Variants in SV2B observed in about 807,000 individuals in gnomAD.
SV2B encodes the protein synaptic vesicle glycoprotein 2B.
A neutral mutation model predicts 73.9 loss-of-function variants in SV2B; 41 were observed. That is an observed-to-expected ratio of 0.56 (90% CI 0.43 to 0.72). The LOEUF is 0.72. Ranked by LOEUF, SV2B falls within the 30% of genes least tolerant of loss-of-function variation. SV2B has a pLI of 0.00. For missense variants in SV2B, 764 were observed against 857.8 expected, an observed-to-expected ratio of 0.89 and a Z score of 1.37; for synonymous variants, 314 against 314.2, an observed-to-expected ratio of 1.00 and a Z score of 0.01.
chr15:91,263,259 C>T (rs1266651791), intron 6 of SV2B, among the ~76,000 whole-genome samples: 9 of 120,456 alleles, frequency 7.5e-5, no homozygotes, highest in African/African-American at 3.2e-4. Flanking sequence ...CAGGAACACA[C>T]GGACACAGAC....
At chr15:91,146,854 C>A (rs747906901) in intron 1 of SV2B, among the ~76,000 whole-genome samples, 1 of 152,240 alleles carries the variant, frequency 6.6e-6, no homozygotes, top group Non-Finnish European at 1.5e-5. Context: ...GAACACCACA[C>A]TATAGTGACT....
chr15:91,250,252 A>G lies in SV2B; in HGVS notation c.452-1567A>G, dbSNP rs945941056. Among the ~76,000 whole-genome samples the G allele has an allele frequency of 8.3e-4, 126 of 152,240 alleles. 1 individual carries two copies. Among genetic ancestry groups the G allele is most frequent in the Non-Finnish European group, 1.2e-4 (8 of 68,026 alleles). On this transcript the variant is annotated intron_variant, in intron 2 of 12. Coordinates refer to ENST00000394232, the MANE Select transcript of SV2B (RefSeq NM_001323032.3). ...TGTGATACACCACATTAACATAATA[A>G]TGGATAAAAATCATATGATCATCTT...
At chr15:91,276,190 A>T (rs2048480905) in intron 9 of SV2B, among the ~76,000 whole-genome samples, 1 of 149,960 alleles carries the variant, frequency 6.7e-6, no homozygotes, top group African/African-American at 2.5e-5. Context: ...ATGTAACATG[A>T]TTTTTTTTCT....
At chr15:91,215,076 C>T (rs1262961343) in intron 1 of SV2B, among the ~76,000 whole-genome samples, 1 of 152,140 alleles carries the variant, frequency 6.6e-6, no homozygotes, top group East Asian at 1.9e-4. Context: ...GGTTCTGTCT[C>T]CTCTTGGAGA....
chr15:91,232,779 A>C lies in SV2B; in HGVS notation c.451+6065A>C, dbSNP rs1434784054. ...ACATGTGCAGGTTTGTTACATAGAT[A>C]TATTGTATGATGCTGAGGTTTGGGA... On this transcript the variant is annotated intron_variant, in intron 2 of 12. Coordinates refer to ENST00000394232, the MANE Select transcript of SV2B (RefSeq NM_001323032.3). This position sits in a 1 kb window ranked among gnomAD's most constrained non-coding sequence, Gnocchi z 4.7. Among the ~76,000 whole-genome samples the C allele has an allele frequency of 6.6e-6, 1 of 152,228 alleles. No homozygotes were observed. Among genetic ancestry groups the C allele is most frequent in the Non-Finnish European group, 1.5e-5 (1 of 68,042 alleles).
At chr15:91,278,362 G>T (rs1488397901) in intron 9 of SV2B, among the ~76,000 whole-genome samples, 2 of 151,972 alleles carry the variant, frequency 1.3e-5, no homozygotes, top group African/African-American at 4.8e-5. Context: ...GGCATCACAG[G>T]TTGGGTGAAG....
intron 1 of SV2B, among the ~76,000 whole-genome samples, chr15:91,116,376 T>C (rs2042178407): frequency 6.6e-6 from 1 of 152,250 alleles, no homozygotes; most frequent in African/African-American, 2.4e-5. Flanking sequence ...ATTGCTTTGC[T>C]ATTGTCACGT....
intron 1 of SV2B, among the ~76,000 whole-genome samples, chr15:91,138,584 C>T (rs1383315305): frequency 1.3e-5 from 2 of 152,152 alleles, no homozygotes; most frequent in Admixed American, 6.5e-5. Flanking sequence ...ATGGTTGCAT[C>T]TGTACTAAAT....
chr15:91,228,631 G>C (rs186390081), intron 2 of SV2B, among the ~76,000 whole-genome samples: 3 of 152,360 alleles, frequency 2.0e-5, no homozygotes, highest in African/African-American at 7.2e-5. Context: ...TGCAGCTCTT[G>C]CTGGCTCCTA....
rs1423736710 is a variant in SV2B at position 91,258,815 on chromosome 15, G to T, written c.918+261G>T. On this transcript the variant is annotated intron_variant, in intron 5 of 12. Transcript: ENST00000394232. This position sits in a 1 kb window ranked among gnomAD's most constrained non-coding sequence, Gnocchi z 4.7. ...AGCAGGAGCTCTTTCCCAAGGCTGTGCAGTGGTGGAAGGGCAGCTCCTGAG... is the reference window on the plus strand; with the variant it reads ...AGCAGGAGCTCTTTCCCAAGGCTGTTCAGTGGTGGAAGGGCAGCTCCTGAG... 3.9e-5 allele frequency among the ~76,000 whole-genome samples: 6 copies of T among 151,976 alleles called. No homozygotes were observed. Among genetic ancestry groups the T allele is most frequent in the Non-Finnish European group, 8.8e-5 (6 of 68,020 alleles).
rs2048978317 is a variant in SV2B at position 91,289,714 on chromosome 15, G to C, written c.1868+34G>C. ...TTCCCCAGGCTTTCCTCAGGGACTTGTTTGGGCTTCTTTGGCCAGAAGTCT... is the reference window on the plus strand; with the variant it reads ...TTCCCCAGGCTTTCCTCAGGGACTTCTTTGGGCTTCTTTGGCCAGAAGTCT... On this transcript the variant is annotated intron_variant, in intron 12 of 12. Coordinates refer to ENST00000394232, the MANE Select transcript of SV2B (RefSeq NM_001323032.3). The surrounding 1 kb of genome is among the most constrained non-coding windows in gnomAD (Gnocchi z 4.9). 1 of 1,599,998 alleles carries C rather than the reference G, an allele frequency of 6.3e-7. No homozygotes were observed.
At chr15:91,259,423 G>A (rs546837956) in intron 5 of SV2B, among the ~76,000 whole-genome samples, 1 of 152,310 alleles carries the variant, frequency 6.6e-6, no homozygotes, top group South Asian at 2.1e-4. Context: ...TAAGCCATGT[G>A]CAGAGTGATC....
intron 1 of SV2B, among the ~76,000 whole-genome samples, chr15:91,157,562 C>T (rs917269270): frequency 6.6e-6 from 1 of 152,146 alleles, no homozygotes; most frequent in South Asian, 2.1e-4. Flanking sequence ...ATATGTTAGG[C>T]ACTGTTTTAA....
At chr15:91,103,807 A>G (rs1279846744) in intron 1 of SV2B, among the ~76,000 whole-genome samples, 6 of 152,170 alleles carry the variant, frequency 3.9e-5, no homozygotes, top group Non-Finnish European at 8.8e-5. Context: ...TCAGAAGGCA[A>G]CATTTACTTC....
At chr15:91,273,133 C>G (rs2048372767) in intron 9 of SV2B, among the ~76,000 whole-genome samples, 1 of 151,980 alleles carries the variant, frequency 6.6e-6, no homozygotes, top group African/African-American at 2.4e-5. Flanking sequence ...ACGCCTGGCT[C>G]TAAATAAGAA....
In SV2B at chr15:91,123,700, G is replaced by A. The variant is rs2042400526; in HGVS notation, c.-392+23337G>A. ...TTTCTGAAGAGTAGACGTGAGGAGC[G>A]GTAGAGTTGTGATGCAGGTCTTCGG... On this transcript the variant is annotated intron_variant, in intron 1 of 12. Coordinates refer to ENST00000394232, the MANE Select transcript of SV2B (RefSeq NM_001323032.3). This position sits in a 1 kb window ranked among gnomAD's most constrained non-coding sequence, Gnocchi z 4.7. Among the ~76,000 whole-genome samples the A allele has an allele frequency of 6.6e-6, 1 of 152,128 alleles. No homozygotes were observed. Among genetic ancestry groups the A allele is most frequent in the Admixed American group, 6.5e-5 (1 of 15,268 alleles).
rs972679370 is a variant in SV2B at position 91,292,371 on chromosome 15, C to T, written c.1871C>T (p.Ala624Val). The T allele has an allele frequency of 1.2e-6, 2 of 1,613,456 alleles. No individual in the cohort carries two copies. The highest frequency in any genetic ancestry group is 1.7e-6 in the Non-Finnish European group (2 of 1,179,636). ...TVELYPTNQR[A>V]TAFGILNGLC... ...TTATTTCCATTCCTCTTTTACAGAG[C>T]AACAGCCTTCGGCATTCTCAATGGA... Residue 624 changes from alanine to valine, a missense_variant and splice_region_variant, in exon 13 of 13, where the codon GCA becomes GTA. Coordinates refer to ENST00000394232, the MANE Select transcript of SV2B (RefSeq NM_001323032.3).
intron 2 of SV2B, among the ~76,000 whole-genome samples, chr15:91,251,518 A>G (rs1341900683): frequency 6.6e-6 from 1 of 152,234 alleles, no homozygotes; most frequent in African/African-American, 2.4e-5. Context: ...TGCTTAAAAA[A>G]TTACAACATT....
rs2049363105 is a variant in SV2B, at chr15:91,299,371, T to C, written c.*6819T>C. 1 of 152,226 alleles carries C rather than the reference T, an allele frequency of 6.6e-6. No individual in the cohort carries two copies. Among genetic ancestry groups the C allele is most frequent in the South Asian group, 2.1e-4 (1 of 4,832 alleles). The allele number at this position is 152,226 out of a possible 1,614,324, so 9.4% of individuals were successfully genotyped here. A position where few individuals can be genotyped will look rare whatever the true frequency, so the allele number is the denominator to read the frequency against. Reference sequence around the variant, plus strand: ...ACTAAAAGTGACAAAACAATACTTCTTTAAAAATGTATTTTATGATCTATT... The same window carrying C: ...ACTAAAAGTGACAAAACAATACTTCCTTAAAAATGTATTTTATGATCTATT... On this transcript the variant is annotated 3_prime_UTR_variant, in exon 13 of 13. Transcript: ENST00000394232.
Sources: allele counts gnomAD v4.1 joint callset (sites outside exome capture counted in the v4.1 genomes callset), GRCh38; gene constraint gnomAD v4.1.1; non-coding constraint Gnocchi (gnomAD v3.1); transcripts MANE v1.5; gene names NCBI Gene and HGNC (gene_info 2026-07-23, HGNC 2026-07-21).